Variants in NR3C2 observed in about 807,000 individuals in gnomAD.
The protein encoded by NR3C2 is mineralocorticoid receptor.
NR3C2 carries 15 observed loss-of-function variants against 86.4 expected under a neutral mutation model. The observed-to-expected ratio is 0.17, with a 90% CI of 0.12 to 0.27. The LOEUF (loss-of-function observed/expected upper bound fraction) is 0.27, where lower values mean the gene tolerates loss of function less well. Ranked by LOEUF, NR3C2 falls within the 10% of genes least tolerant of loss-of-function variation. NR3C2 has a pLI of 1.00. For synonymous variants in NR3C2, 458 were observed against 450.5 expected (o/e 1.02, Z -0.21); for missense variants, 960 against 1,195.6 (o/e 0.80, Z 2.91).
chr4:148,252,816 GT>G (rs987623993), intron 3 of NR3C2, among the ~76,000 whole-genome samples: 2 of 151,562 alleles, frequency 1.3e-5, no homozygotes, highest in South Asian at 2.1e-4. Flanking sequence ...CCTTCCTGTT[GT>G]TTTTTTTGTT....
intron 2 of NR3C2, among the ~76,000 whole-genome samples, chr4:148,306,627 GT>G (rs1561031121): frequency 6.6e-6 from 1 of 152,134 alleles, no homozygotes; most frequent in Non-Finnish European, 1.5e-5. Context: ...CTTCAATAAT[GT>G]TTTTAATCTC....
intron 6 of NR3C2, among the ~76,000 whole-genome samples, chr4:148,130,354 T>C (rs1041705547): frequency 6.6e-6 from 1 of 152,196 alleles, no homozygotes; most frequent in African/African-American, 2.4e-5. Flanking sequence ...CTATGAAAAG[T>C]ACAATGACAT....
chr4:148,262,001 T>C (rs564644108), intron 2 of NR3C2, among the ~76,000 whole-genome samples: 1 of 152,334 alleles, frequency 6.6e-6, no homozygotes, highest in African/African-American at 2.4e-5. Context: ...TTATTTTTAT[T>C]GGTATCCTTT....
chr4:148,237,848 T>A (rs568627702), intron 3 of NR3C2, among the ~76,000 whole-genome samples: 1 of 152,272 alleles, frequency 6.6e-6, no homozygotes, highest in Middle Eastern at 3.4e-3. Flanking sequence ...CCAAAACTAT[T>A]AACATCATTC....
In NR3C2 at chr4:148,081,205, T is replaced by TGACA; in HGVS notation, c.*135_*138dup. 8.0e-7 allele frequency: 1 copy of TGACA among 1,254,540 alleles called. No individual in the cohort carries two copies. The highest frequency in any genetic ancestry group is 1.1e-6 in the Non-Finnish European group (1 of 877,368). 77.7% of individuals were successfully genotyped at this position (1,254,540 alleles called of 1,614,324 possible). A position where few individuals can be genotyped will look rare whatever the true frequency, so the allele number is the denominator to read the frequency against. ...AACAGCTTTCCCGGCTCCAAACCTC[T>TGACA]GACATGACTTTAAACTTGAGAAACT... On this transcript the variant is annotated 3_prime_UTR_variant, in exon 9 of 9. Coordinates refer to ENST00000358102, the MANE Select transcript of NR3C2 (RefSeq NM_000901.5).
chr4:148,297,477 A>C (rs1742108072), intron 2 of NR3C2, among the ~76,000 whole-genome samples: 1 of 151,936 alleles, frequency 6.6e-6, no homozygotes, highest in African/African-American at 2.4e-5. Context: ...AAAATCACAC[A>C]GGCTGGGCAT....
Position 148,327,073 on chromosome 4 carries a change from G to A in NR3C2, c.1758-66956C>T, listed in dbSNP as rs964889480. Among the ~76,000 whole-genome samples the A allele has an allele frequency of 7.2e-5, 11 of 152,098 alleles. No homozygotes were observed. The East Asian group carries it at 1.2e-3, about 16-fold the overall frequency. On this transcript the variant is annotated intron_variant, in intron 2 of 8. Coordinates refer to ENST00000358102, the MANE Select transcript of NR3C2 (RefSeq NM_000901.5). The stretch of plus-strand genomic sequence containing the variant: ...TTCAGTTCTAGAGTTTCAGATCTAC[G>A]TAAGTACACGTTACATAATGGGGAG...
At chr4:148,156,581 A>G (rs1346059948) in intron 4 of NR3C2, among the ~76,000 whole-genome samples, 1 of 152,254 alleles carries the variant, frequency 6.6e-6, no homozygotes, top group East Asian at 1.9e-4. Flanking sequence ...CCATCAGAGA[A>G]ATGCAAATCA....
intron 3 of NR3C2, among the ~76,000 whole-genome samples, chr4:148,226,562 G>A (rs1217282233): frequency 6.6e-6 from 1 of 152,082 alleles, no homozygotes; most frequent in Non-Finnish European, 1.5e-5. Context: ...CATGTTCCTG[G>A]ATAAATACCT....
chr4:148,433,404 A>G (rs760025762), intron 2 of NR3C2, among the ~76,000 whole-genome samples: 4 of 152,180 alleles, frequency 2.6e-5, no homozygotes, highest in Non-Finnish European at 5.9e-5. Context: ...TTACTTTAAC[A>G]AGTGCTTAAA....
intron 3 of NR3C2, among the ~76,000 whole-genome samples, chr4:148,249,067 T>C (rs1380836248): frequency 6.6e-6 from 1 of 152,166 alleles, no homozygotes; most frequent in African/African-American, 2.4e-5. Flanking sequence ...TATTGGAACC[T>C]ACAATGGTGC....
chr4:148,436,674 T>C lies in NR3C2; in HGVS notation c.187A>G (p.Ser63Gly), dbSNP rs751299653. ...AGTAGTTCTTGTTTTTCTTTGCTGC[T>C]TCCTTGAGTACTGTTGTTTGGAATA... ...GAIPNNSTQGSSKEKQELLPC... is the reference protein window; with the variant it reads ...GAIPNNSTQGGSKEKQELLPC... Residue 63 changes from serine (S) to glycine (G), a missense_variant, in exon 2 of 9, where the codon AGC becomes GGC. Coordinates refer to ENST00000358102, the MANE Select transcript of NR3C2 (RefSeq NM_000901.5). The C allele has an allele frequency of 6.2e-7, 1 of 1,614,192 alleles. No homozygotes were observed. The highest frequency in any genetic ancestry group is 8.5e-7 in the Non-Finnish European group (1 of 1,180,030).
At chr4:148,120,748 G>A (rs940889065) in intron 6 of NR3C2, among the ~76,000 whole-genome samples, 30 of 152,232 alleles carry the variant, frequency 2.0e-4, no homozygotes, top group African/African-American at 7.2e-4. Flanking sequence ...ATTTCTCCAT[G>A]GGCCTTCCTT....
intron 3 of NR3C2, among the ~76,000 whole-genome samples, chr4:148,228,583 T>A (rs1397783517): frequency 1.3e-5 from 2 of 152,228 alleles, no homozygotes. Flanking sequence ...GTCAGATACA[T>A]GCTGCAAATA....
At chr4:148,442,661 C>G, upstream of NR3C2, 4 of 985,486 alleles carry the variant, frequency 4.1e-6, no homozygotes, top group South Asian at 1.9e-4. Flanking sequence ...CTGTCAGTCA[C>G]CAGGCGGGCG....
At chr4:148,342,147 TA>T (rs1744778026) in intron 2 of NR3C2, among the ~76,000 whole-genome samples, 1 of 152,126 alleles carries the variant, frequency 6.6e-6, no homozygotes, top group Admixed American at 6.6e-5. Flanking sequence ...AGAAGATGGC[TA>T]CGAGGAGTCA....
At chr4:148,165,221 C>T (rs570363640) in intron 4 of NR3C2, among the ~76,000 whole-genome samples, 3 of 152,308 alleles carry the variant, frequency 2.0e-5, no homozygotes, top group Admixed American at 2.0e-4. Flanking sequence ...TCCCTCTAAA[C>T]ATTTGTTGCT....
intron 4 of NR3C2, among the ~76,000 whole-genome samples, chr4:148,194,244 G>A (rs990803341): frequency 2.6e-5 from 4 of 152,170 alleles, no homozygotes; most frequent in African/African-American, 9.7e-5. Context: ...ATCCATGGAT[G>A]TTGTATACTT....
At chr4:148,246,951 T>G (rs1353124222) in intron 3 of NR3C2, among the ~76,000 whole-genome samples, 1 of 152,250 alleles carries the variant, frequency 6.6e-6, no homozygotes, top group African/African-American at 2.4e-5. Context: ...TCCAGTCTCC[T>G]ATAAAAACAG....
Sources: gnomAD v4.1 joint callset for allele counts (sites outside exome capture counted in the v4.1 genomes callset) on GRCh38, gnomAD v4.1.1 for gene constraint, MANE v1.5 for transcripts, NCBI Gene and HGNC (gene_info 2026-07-23, HGNC 2026-07-21) for gene names.